AFAP1: variants seen among roughly 807,000 people sequenced by gnomAD.
AFAP1 encodes actin filament associated protein 1, also known as actin filament-associated protein 1.
A neutral mutation model predicts 93.9 loss-of-function variants in AFAP1; 75 were observed. The ratio of observed to expected loss-of-function variants is 0.80; its 90% confidence interval spans 0.66 to 0.97. The LOEUF is 0.97. Ranked by LOEUF, AFAP1 falls within the 50% of genes least tolerant of loss-of-function variation. The pLI is 0.00. For missense variants in AFAP1, 1,201 were observed against 1,050.8 expected (o/e 1.14, Z -1.98); for synonymous variants, 517 against 430.7 (o/e 1.20, Z -2.48).
rs759581485 is a variant in AFAP1, at chr4:7,908,020, C to T, written c.-3+31636G>A. Among the ~76,000 whole-genome samples, 9 of 152,034 alleles carry T rather than the reference C, an allele frequency of 5.9e-5. No homozygotes were observed. The East Asian group carries it at 7.7e-4, about 13-fold the overall frequency. On this transcript the variant is annotated intron_variant, in intron 1 of 17. Transcript: ENST00000420658. ...TGATGTCAGACGTTCAAGACCAGCC[C>T]GGCCAATGCGGTGAAACCCCGTCTT...
At chr4:7,871,550 C>T (rs538366770) in intron 2 of AFAP1, among the ~76,000 whole-genome samples, 2 of 152,310 alleles carry the variant, frequency 1.3e-5, no homozygotes, top group East Asian at 1.9e-4. Context: ...AGCACACAGA[C>T]GCTGGCATAT....
At chr4:7,923,482 CTCT>C (rs1324642242) in intron 1 of AFAP1, among the ~76,000 whole-genome samples, 3 of 152,056 alleles carry the variant, frequency 2.0e-5, no homozygotes, top group Non-Finnish European at 2.9e-5. Flanking sequence ...CTGCTTTCTC[CTCT>C]TCTTTTTTAT....
chr4:7,830,345 A>G (rs746537040), intron 6 of AFAP1, among the ~76,000 whole-genome samples: 21 of 152,304 alleles, frequency 1.4e-4, no homozygotes, highest in Admixed American at 6.5e-4. Context: ...GGCAATTCCA[A>G]TGTAACAGGA....
At position 7,872,066 on chromosome 4, in the gene AFAP1, T is replaced by C. The variant is rs749706236; in HGVS notation, c.13A>G (p.Ile5Val). Residue 5 changes from isoleucine to valine, a missense_variant, in exon 2 of 18, where the codon ATA (isoleucine) becomes GTA (valine). Transcript: ENST00000420658. ...TCAAGAAAGAGACGAAGTTCAACTA[T>C]TAACTCTTCCATTGCTGACAACAAA... MEELIVELRLFLELL... is the reference protein window; with the variant it reads MEELVVELRLFLELL... The C allele has an allele frequency of 1.2e-6, 2 of 1,613,806 alleles. No individual in the cohort carries two copies. Among genetic ancestry groups the C allele is most frequent in the African/African-American group, 2.7e-5 (2 of 74,930 alleles).
chr4:7,893,377 C>T (rs535812719), intron 1 of AFAP1, among the ~76,000 whole-genome samples: 3 of 152,080 alleles, frequency 2.0e-5, no homozygotes, highest in East Asian at 3.9e-4. Context: ...TTAGGAGATC[C>T]AGACCATCCT....
chr4:7,796,818 G>A (rs1718472839), intron 10 of AFAP1, among the ~76,000 whole-genome samples: 1 of 150,970 alleles, frequency 6.6e-6, no homozygotes, highest in African/African-American at 2.4e-5. Context: ...TCAGCACTTT[G>A]GGAGACCAAG....
At chr4:7,898,451 C>A (rs1024571582) in intron 1 of AFAP1, among the ~76,000 whole-genome samples, 1 of 151,810 alleles carries the variant, frequency 6.6e-6, no homozygotes, top group African/African-American at 2.4e-5. Context: ...TCTCTCCTTC[C>A]GCCTTTCACC....
At chr4:7,792,602 TA>T (rs200223297) in intron 11 of AFAP1, among the ~76,000 whole-genome samples, 4 of 151,558 alleles carry the variant, frequency 2.6e-5, no homozygotes, top group Middle Eastern at 3.4e-3. Flanking sequence ...AAAGTAAAAA[TA>T]AAAAAAAATC....
rs561485179 is a variant in AFAP1 at position 7,759,879 on chromosome 4, G to C, written c.*3886C>G. ...GCCTTTTCTCTGGATGGCAGTCGCC[G>C]GCCACACTGCAGGCTGCCCATCCTT... On this transcript the variant is annotated 3_prime_UTR_variant, in exon 18 of 18. Transcript: ENST00000420658. 1 of 152,368 alleles carries C rather than the reference G, an allele frequency of 6.6e-6. No individual in the cohort carries two copies. The highest frequency in any genetic ancestry group is 1.5e-5 in the Non-Finnish European group (1 of 68,058). The allele number at this position is 152,368 out of a possible 1,614,324, so 9.4% of individuals were successfully genotyped here. A position where few individuals can be genotyped will look rare whatever the true frequency, so the allele number is the denominator to read the frequency against.
chr4:7,763,629 G>A lies in AFAP1; in HGVS notation c.*136C>T. 7.3e-6 allele frequency: 7 copies of A among 963,180 alleles called. No individual in the cohort carries two copies. Among genetic ancestry groups the A allele is most frequent in the Non-Finnish European group, 1.1e-5 (7 of 645,522 alleles). 59.7% of individuals were successfully genotyped at this position (963,180 alleles called of 1,614,324 possible). A position where few individuals can be genotyped will look rare whatever the true frequency, so the allele number is the denominator to read the frequency against. ...AAGTGGGCCTGGGGGACAGGCACTGGCCTCAGAGCTCAGTCGTGGAGCCTC... is the reference window on the plus strand; with the variant it reads ...AAGTGGGCCTGGGGGACAGGCACTGACCTCAGAGCTCAGTCGTGGAGCCTC... On this transcript the variant is annotated 3_prime_UTR_variant, in exon 18 of 18. Transcript: ENST00000420658.
chr4:7,883,801 A>G (rs915887686), intron 1 of AFAP1, among the ~76,000 whole-genome samples: 10 of 152,274 alleles, frequency 6.6e-5, no homozygotes, highest in Admixed American at 5.9e-4. Flanking sequence ...CTTGATTGAA[A>G]GATGAAGAAG....
chr4:7,938,280 GTTAC>G (rs1048369767), intron 1 of AFAP1, among the ~76,000 whole-genome samples: 5 of 152,186 alleles, frequency 3.3e-5, no homozygotes, highest in African/African-American at 1.2e-4. Context: ...TTGTATGCCT[GTTAC>G]TTAAACACCA....
intron 7 of AFAP1, among the ~76,000 whole-genome samples, chr4:7,817,474 C>G (rs1362370700): frequency 6.6e-6 from 1 of 152,078 alleles, no homozygotes; most frequent in Non-Finnish European, 1.5e-5. Flanking sequence ...TGGTGGAATC[C>G]CAGTTACTCA....
chr4:7,819,106 G>A lies in AFAP1; in HGVS notation c.792C>T (p.Ser264=), dbSNP rs1040298804. Reference sequence around the variant, plus strand: ...CCAGTTCTGCCTTGTGCACCGGGGAGCTTGGTGGAGGAGGACACTCTGAAT... The same window carrying A: ...CCAGTTCTGCCTTGTGCACCGGGGAACTTGGTGGAGGAGGACACTCTGAAT... ...PVDSECPPPP[S]SPVHKAELEK... Residue 264 remains serine (S), a synonymous_variant, in exon 7 of 18, where the codon AGC becomes AGT. Transcript: ENST00000420658. 6.2e-7 allele frequency: 1 copy of A among 1,613,652 alleles called. No homozygotes were observed. The highest frequency in any genetic ancestry group is 1.3e-5 in the African/African-American group (1 of 74,922).
At chr4:7,821,781 G>A (rs942654721) in intron 6 of AFAP1, among the ~76,000 whole-genome samples, 6 of 152,210 alleles carry the variant, frequency 3.9e-5, no homozygotes, top group Admixed American at 2.6e-4. Flanking sequence ...TTGTGCTGGT[G>A]CTGGGATTAA....
chr4:7,863,729 G>C (rs1009790982), intron 3 of AFAP1, among the ~76,000 whole-genome samples: 1 of 152,106 alleles, frequency 6.6e-6, no homozygotes, highest in Non-Finnish European at 1.5e-5. Flanking sequence ...AAGGTATGAA[G>C]CACTATTAGA....
At chr4:7,816,195 A>G (rs1720462636) in intron 7 of AFAP1, 96 bp from the exon 8 acceptor site, 2 of 1,031,494 alleles carry the variant, frequency 1.9e-6, no homozygotes, top group Non-Finnish European at 2.9e-6. Context: ...AAGTGAAAGA[A>G]AACACAGGCC....
At chr4:7,885,475 C>T (rs1560219707) in intron 1 of AFAP1, among the ~76,000 whole-genome samples, 6 of 152,160 alleles carry the variant, frequency 3.9e-5, no homozygotes, top group East Asian at 3.9e-4. Context: ...CGACCATCAC[C>T]GCCTCTCTCC....
intron 1 of AFAP1, among the ~76,000 whole-genome samples, chr4:7,883,679 A>G (rs985981778): frequency 4.6e-5 from 7 of 152,262 alleles, no homozygotes; most frequent in African/African-American, 1.4e-4. Context: ...AACAATAAAT[A>G]GCTAGAAGAT....
Sources: allele counts gnomAD v4.1 joint callset (sites outside exome capture counted in the v4.1 genomes callset), GRCh38; gene constraint gnomAD v4.1.1; transcripts MANE v1.5; gene names NCBI Gene and HGNC (gene_info 2026-07-23, HGNC 2026-07-21).